The following CCDC187 variants were observed in gnomAD, a reference collection of about 807,000 sequenced individuals.
CCDC187 encodes coiled-coil domain containing 187.
CCDC187 carries 32 observed loss-of-function variants against 38.0 expected under a neutral mutation model. The ratio of observed to expected loss-of-function variants is 0.84; its 90% confidence interval spans 0.64 to 1.13. The LOEUF is 1.13. CCDC187 is among the 50% of genes most tolerant of loss of function. The pLI, the probability that CCDC187 is intolerant of heterozygous loss-of-function variation, is 0.00. For synonymous variants in CCDC187, 333 were observed against 347.9 expected, an observed-to-expected ratio of 0.96 and a Z score of 0.48; for missense variants, 707 against 786.8, an observed-to-expected ratio of 0.90 and a Z score of 1.21.
At chr9:136,288,209 G>A (rs1175555765) in intron 7 of CCDC187, among the ~76,000 whole-genome samples, 1 of 152,152 alleles carries the variant, frequency 6.6e-6, no homozygotes, top group African/African-American at 2.4e-5. Context: ...CAGGACCTGC[G>A]TCCTTGTCTT....
chr9:136,293,223 T>TCA (rs1371175938), intron 4 of CCDC187, among the ~76,000 whole-genome samples: 3 of 76,458 alleles, frequency 3.9e-5, no homozygotes, highest in Non-Finnish European at 5.5e-5. Context: ...GCTCACACAC[T>TCA]CACACTCACA....
In CCDC187 at chr9:136,294,208, ACACT is replaced by A. The variant is rs1381161240; in HGVS notation, c.833-1917_833-1914del. Among the ~76,000 whole-genome samples, 791 of 147,910 alleles carry A rather than the reference ACACT, an allele frequency of 5.3e-3. 2 individuals are homozygous for A. Among genetic ancestry groups the A allele is most frequent in the African/African-American group, 0.014 (542 of 39,308 alleles). ...CACGCCCTCACATGTGCTCTCACAC[ACACT>A]CACACGCTCATATACACACGCCCTC... On this transcript the variant is annotated intron_variant, in intron 4 of 25. Transcript: ENST00000638797.
chr9:136,305,640 C>G (rs1343586646), upstream of CCDC187, among the ~76,000 whole-genome samples: 1 of 152,244 alleles, frequency 6.6e-6, no homozygotes, highest in Non-Finnish European at 1.5e-5. Flanking sequence ...TCCCTTTCTC[C>G]CATGAGCAGG....
Position 136,300,461 on chromosome 9 carries a change from TG to T in CCDC187, c.626-144del, listed in dbSNP as rs1588676903. 7.8e-6 allele frequency: 3 copies of T among 386,326 alleles called. No homozygotes were observed. In the East Asian group the frequency reaches 1.1e-4, roughly 14 times the overall value. 23.9% of individuals were successfully genotyped at this position (386,326 alleles called of 1,614,324 possible). ...CAGGGTCTCACTCTGTCACCCAAGC[TG>T]GAGTGCAATGGCGCAATCTCAGCTC... On this transcript the variant is annotated intron_variant, in intron 2 of 25. Transcript: ENST00000638797.
chr9:136,285,442 GGC>G, intron 9 of CCDC187, 69 bp downstream of exon 9: 1 of 34,010 alleles, frequency 2.9e-5, no homozygotes, highest in Non-Finnish European at 6.1e-5. Context: ...TGGGCAGGTG[GGC>G]AGGTGGGCAG....
chr9:136,296,451 T>C (rs1484600448), intron 4 of CCDC187: 1 of 152,250 alleles, frequency 6.6e-6, no homozygotes, highest in East Asian at 1.9e-4. Context: ...GCACCGGCCT[T>C]GGGCTGGACG....
In CCDC187 at chr9:136,260,165, G is replaced by C. The variant is rs909327206; in HGVS notation, c.4164C>G (p.His1388Gln). Residue 1388 changes from histidine to glutamine, a missense_variant, in exon 20 of 26, where the codon CAC becomes CAG. Coordinates refer to ENST00000638797, the MANE Select transcript of CCDC187 (RefSeq NM_001378188.1). ...PPRPAWGEDTHDPQGPLVESG... is the reference protein window; with the variant it reads ...PPRPAWGEDTQDPQGPLVESG... Reference sequence around the variant, plus strand: ...TCTCCACCAGCGGGCCCTGGGGGTCGTGTGTGTCCTCGCCCCATGCTGGCC... The same window carrying C: ...TCTCCACCAGCGGGCCCTGGGGGTCCTGTGTGTCCTCGCCCCATGCTGGCC... The C allele has an allele frequency of 1.0e-6, 1 of 985,274 alleles. No individual in the cohort carries two copies. The highest frequency in any genetic ancestry group is 1.2e-6 in the Non-Finnish European group (1 of 830,002). The allele number at this position is 985,274 out of a possible 1,614,324, so 61.0% of individuals were successfully genotyped here. A position where few individuals can be genotyped will look rare whatever the true frequency, so the allele number is the denominator to read the frequency against.
rs782743698 is a variant in CCDC187, at chr9:136,254,692, G to A, written c.5136C>T (p.Ala1712=). The part of the protein sequence containing the change: ...VTWQRPQGRR[A]GPLRGSSLDT... ...CCAAGGAGGAGCCACGCAGGGGGCC[G>A]GCCCTGCGGCCCTGGGGCCTCTGCC... The change falls in exon 26 of 26, where the codon GCC becomes GCT. Residue 1712 remains alanine, a synonymous_variant. Coordinates refer to ENST00000638797, the MANE Select transcript of CCDC187 (RefSeq NM_001378188.1). 7 of 985,320 alleles carry A rather than the reference G, an allele frequency of 7.1e-6. No individual in the cohort carries two copies. The highest frequency in any genetic ancestry group is 1.1e-4 in the East Asian group (1 of 8,814). 61.0% of individuals were successfully genotyped at this position (985,320 alleles called of 1,614,324 possible).
In CCDC187 at chr9:136,270,530, C is replaced by T. The variant is rs377365753; in HGVS notation, c.3443-2405G>A. 2.6e-4 allele frequency among the ~76,000 whole-genome samples: 39 copies of T among 152,272 alleles called. No individual in the cohort carries two copies. The East Asian group carries it at 3.3e-3, about 13-fold the overall frequency. ...CTATTTCTTCTTCTGCTATCTACTA[C>T]GAACTTTAAAGAGGAACCAGGAGTA... is the stretch of plus-strand genomic sequence containing the variant. On this transcript the variant is annotated intron_variant, in intron 14 of 25. Coordinates refer to ENST00000638797, the MANE Select transcript of CCDC187 (RefSeq NM_001378188.1).
chr9:136,305,797 G>T (rs1404523725), upstream of CCDC187, among the ~76,000 whole-genome samples: 2 of 152,318 alleles, frequency 1.3e-5, no homozygotes, highest in Admixed American at 1.3e-4. Flanking sequence ...GCAGAGCATC[G>T]CGAGGTCCTG....
Position 136,254,271 on chromosome 9 carries a change from G to A in CCDC187, c.5557C>T (p.Leu1853=). The A allele has an allele frequency of 1.0e-6, 1 of 980,462 alleles. No individual in the cohort carries two copies. The highest frequency in any genetic ancestry group is 1.2e-6 in the Non-Finnish European group (1 of 825,532). 60.7% of individuals were successfully genotyped at this position (980,462 alleles called of 1,614,324 possible). A position where few individuals can be genotyped will look rare whatever the true frequency, so the allele number is the denominator to read the frequency against. The part of the protein sequence containing the change: ...GLEASGTSES[L]MGVSDTGEAL... ...TCTCCTGTGTCTGACACCCCCATCAGGCTCTCGCTGGTCCCAGAAGCTTCC... is the reference window on the plus strand; with the variant it reads ...TCTCCTGTGTCTGACACCCCCATCAAGCTCTCGCTGGTCCCAGAAGCTTCC... The change falls in exon 26 of 26, where the codon CTG becomes TTG. Residue 1853 remains leucine, a synonymous_variant. Transcript: ENST00000638797.
intron 7 of CCDC187, among the ~76,000 whole-genome samples, chr9:136,287,977 G>A (rs1269585884): frequency 2.6e-5 from 4 of 152,180 alleles, no homozygotes; most frequent in African/African-American, 9.7e-5. Context: ...ATTACAGGTG[G>A]GAGCCACCAT....
At chr9:136,274,041 G>T (rs1466984616) in intron 14 of CCDC187, among the ~76,000 whole-genome samples, 39 of 152,250 alleles carry the variant, frequency 2.6e-4, no homozygotes, top group Admixed American at 2.5e-3. Context: ...GGGAGGCTGT[G>T]CAGAGAGCTT....
chr9:136,305,711 C>T (rs1831792051), upstream of CCDC187, among the ~76,000 whole-genome samples: 1 of 152,222 alleles, frequency 6.6e-6, no homozygotes, highest in African/African-American at 2.4e-5. Flanking sequence ...ATCATAAATG[C>T]GTGGAAATGC....
At chr9:136,259,247 T>C (rs1293654177) in intron 21 of CCDC187, 116 bp downstream of exon 21, 1 of 232,382 alleles carries the variant, frequency 4.3e-6, no homozygotes, top group Non-Finnish European at 6.2e-6. Context: ...ATTGGCAGAA[T>C]GTTGGGGGGG....
chr9:136,267,444 C>T lies in CCDC187; in HGVS notation c.3587G>A (p.Arg1196Gln), dbSNP rs1475517076. ...AQHQAALLRL[R>Q]EMALQEKTLA... ...CGTTTTCTCCTGGAGCGCCATCTCT[C>T]GCAGGCGCAGCAGCGCGGCCTGGTG... Residue 1196 changes from arginine (R) to glutamine (Q), a missense_variant, in exon 16 of 26, where the codon CGA becomes CAA. Physicochemically the swap from Arg to Gln is conservative, Grantham distance 43. Transcript: ENST00000638797. 4 of 985,626 alleles carry T rather than the reference C, an allele frequency of 4.1e-6. No individual in the cohort carries two copies. Among genetic ancestry groups the T allele is most frequent in the Non-Finnish European group, 4.8e-6 (4 of 830,064 alleles). The allele number at this position is 985,626 out of a possible 1,614,324, so 61.1% of individuals were successfully genotyped here.
chr9:136,260,087 G>A, intron 20 of CCDC187, 32 bp downstream of exon 20: 1 of 985,420 alleles, frequency 1.0e-6, no homozygotes, highest in Non-Finnish European at 1.2e-6. Flanking sequence ...GCATCCGTCT[G>A]ACCCTGGGCG....
intron 3 of CCDC187, among the ~76,000 whole-genome samples, chr9:136,298,457 G>C (rs1831590182): frequency 6.6e-6 from 1 of 152,180 alleles, no homozygotes; most frequent in Admixed American, 6.5e-5. Flanking sequence ...TCCAGAGGCT[G>C]GCTGGTCATC....
intron 10 of CCDC187, among the ~76,000 whole-genome samples, chr9:136,277,077 G>A (rs1050245042): frequency 6.6e-6 from 1 of 151,988 alleles, no homozygotes; most frequent in African/African-American, 2.4e-5. Flanking sequence ...TGGGGAGGGC[G>A]GAGGCCCAGG....
Sources: gnomAD v4.1 joint callset for allele counts (sites outside exome capture counted in the v4.1 genomes callset) on GRCh38, gnomAD v4.1.1 for gene constraint, MANE v1.5 for transcripts, NCBI Gene and HGNC (gene_info 2026-07-23, HGNC 2026-07-21) for gene names.